FGD1: variants seen among roughly 807,000 people sequenced by gnomAD.
FGD1 encodes FYVE, RhoGEF and PH domain-containing protein 1.
Under a neutral mutation model 65.0 loss-of-function variants are expected in FGD1, and 12 were observed. The ratio of observed to expected loss-of-function variants is 0.18; its 90% CI spans 0.12 to 0.30. The LOEUF is 0.30. FGD1 is among the 10% of genes least tolerant of loss of function. The probability of loss-of-function intolerance (pLI) is 1.00; values close to 1 mark genes in which losing one functional copy is unlikely to be tolerated. For missense variants in FGD1, 542 were observed against 837.6 expected (o/e 0.65, Z 4.36); for synonymous variants, 333 against 343.9 (o/e 0.97, Z 0.35).
intron 1 of FGD1, among the ~76,000 whole-genome samples, chrX:54,481,041 G>A (rs1923131032): frequency 8.9e-6 from 1 of 111,807 alleles, no homozygotes; most frequent in Admixed American, 9.5e-5. Context: ...CAACTTGTGG[G>A]CCATCATGTT....
Position 54,481,649 on chromosome X carries a change from G to T in FGD1, c.308-10162C>A, listed in dbSNP as rs749543847. On this transcript the variant is annotated intron_variant, in intron 1 of 17. Coordinates refer to ENST00000375135, the MANE Select transcript of FGD1 (RefSeq NM_004463.3). ...GTTGGGAAAGAAATCACATTTGGAGGGGGGAGGAGAGAAGACTTCCTAAAG... is the reference window on the plus strand; with the variant it reads ...GTTGGGAAAGAAATCACATTTGGAGTGGGGAGGAGAGAAGACTTCCTAAAG... Among the ~76,000 whole-genome samples the T allele has an allele frequency of 1.2e-4, 13 of 105,756 alleles. No individual in the cohort carries two copies. The East Asian group carries it at 2.1e-3, about 17-fold the overall frequency. 91.8% of individuals were successfully genotyped at this position (105,756 alleles called of 115,157 possible).
At chrX:54,466,764 T>TC (rs1922768485) in intron 6 of FGD1, among the ~76,000 whole-genome samples, 1 of 109,581 alleles carries the variant, frequency 9.1e-6, no homozygotes, top group Non-Finnish European at 1.9e-5. Flanking sequence ...TGTTTTTTTT[T>TC]TTTTTGAGAG....
chrX:54,471,096 T>C (rs1922882190), intron 2 of FGD1, among the ~76,000 whole-genome samples: 1 of 110,713 alleles, frequency 9.0e-6, no homozygotes, highest in Non-Finnish European at 1.9e-5. Flanking sequence ...ATCTGCACCT[T>C]TGCCTGAGGT....
intron 16 of FGD1, among the ~76,000 whole-genome samples, chrX:54,447,929 G>A (rs1409305740): frequency 2.7e-5 from 3 of 111,617 alleles, no homozygotes; most frequent in African/African-American, 9.8e-5. Context: ...GCTGATGTGA[G>A]AATTAAATGA....
chrX:54,478,589 C>A (rs1347038374), intron 1 of FGD1, among the ~76,000 whole-genome samples: 1 of 110,579 alleles, frequency 9.0e-6, no homozygotes, highest in Non-Finnish European at 1.9e-5. Flanking sequence ...TGGCCCTGGG[C>A]AAGTCTCCCC....
chrX:54,482,224 G>A (rs1009453053), intron 1 of FGD1, among the ~76,000 whole-genome samples: 18 of 84,438 alleles, frequency 2.1e-4, no homozygotes, highest in Non-Finnish European at 3.2e-4. Context: ...GCACATGCGC[G>A]CGCACACGCG....
At chrX:54,490,715 C>T (rs1923395883) in intron 1 of FGD1, among the ~76,000 whole-genome samples, 1 of 111,236 alleles carries the variant, frequency 9.0e-6, no homozygotes, top group African/African-American at 3.3e-5. Flanking sequence ...AACCTCCTCC[C>T]TCTCTTGTAT....
At chrX:54,466,874 C>T (rs935714287) in intron 6 of FGD1, among the ~76,000 whole-genome samples, 1 of 109,222 alleles carries the variant, frequency 9.2e-6, no homozygotes, top group Non-Finnish European at 1.9e-5. Context: ...TTCAGCCTCC[C>T]GAGTAGCTGG....
intron 8 of FGD1, among the ~76,000 whole-genome samples, chrX:54,461,614 A>G (rs984946771): frequency 9.4e-6 from 1 of 106,140 alleles, no homozygotes; most frequent in Non-Finnish European, 1.9e-5. Flanking sequence ...AAAAAAAAAA[A>G]AAAAAAAAAA....
At chrX:54,469,910 A>G (rs1272510722) in intron 4 of FGD1, 106 bp downstream of exon 4, 6 of 717,982 alleles carry the variant, frequency 8.4e-6, no homozygotes, top group Non-Finnish European at 1.1e-5. Flanking sequence ...GAGCTTGGAA[A>G]CAAGGTCCTA....
At chrX:54,462,930 A>G (rs1922672954) in intron 8 of FGD1, among the ~76,000 whole-genome samples, 1 of 108,162 alleles carries the variant, frequency 9.2e-6, no homozygotes, top group African/African-American at 3.4e-5. Flanking sequence ...ATACCTGGCT[A>G]ATTTTTGTAT....
intron 11 of FGD1, 35 bp downstream of exon 11, chrX:54,455,657 T>TC (rs1922483788): frequency 5.2e-6 from 6 of 1,147,622 alleles, no homozygotes; most frequent in South Asian, 1.9e-5. Context: ...AATGCCCCAC[T>TC]CCAAGTTCCC....
At chrX:54,460,602 G>A (rs1022503193) in intron 8 of FGD1, among the ~76,000 whole-genome samples, 2 of 110,836 alleles carry the variant, frequency 1.8e-5, no homozygotes, top group Admixed American at 9.6e-5. Context: ...TTAGCTAGGC[G>A]TGGTGGTGGG....
At chrX:54,469,509 A>AT (rs373051588) in intron 4 of FGD1, among the ~76,000 whole-genome samples, 1 of 112,434 alleles carries the variant, frequency 8.9e-6, no homozygotes, top group African/African-American at 3.2e-5. Context: ...GCACAAAAGT[A>AT]TAAGAACGTA....
intron 8 of FGD1, among the ~76,000 whole-genome samples, chrX:54,460,697 C>T (rs929138116): frequency 5.4e-5 from 6 of 110,972 alleles, no homozygotes; most frequent in South Asian, 3.7e-4. Context: ...GCGGAGATCG[C>T]GCCACTGCAG....
chrX:54,455,810 ATG>A, intron 10 of FGD1, 26 bp from the exon 11 acceptor site: 1 of 1,108,403 alleles, frequency 9.0e-7, no homozygotes, highest in Non-Finnish European at 1.2e-6. Flanking sequence ...TTTGGGATGT[ATG>A]TGCAGAGGGC....
chrX:54,448,772 A>C, intron 16 of FGD1, 34 bp downstream of exon 16: 1 of 1,204,038 alleles, frequency 8.3e-7, no homozygotes. Flanking sequence ...CCATTTGCCC[A>C]CTGTGGGAGA....
At chrX:54,484,674 G>C (rs773411483) in intron 1 of FGD1, among the ~76,000 whole-genome samples, 90 of 112,547 alleles carry the variant, frequency 8.0e-4, no homozygotes, top group Non-Finnish European at 1.4e-3. Flanking sequence ...CAGGAGCTGT[G>C]TGTGTTTTCA....
At chrX:54,461,081 C>A (rs916349565) in intron 8 of FGD1, among the ~76,000 whole-genome samples, 3 of 111,630 alleles carry the variant, frequency 2.7e-5, no homozygotes, top group African/African-American at 6.5e-5. Flanking sequence ...CTTTCACTGG[C>A]GGCTCACTTT....
Sources: allele counts gnomAD v4.1 joint callset (sites outside exome capture counted in the v4.1 genomes callset), GRCh38; gene constraint gnomAD v4.1.1; transcripts MANE v1.5; gene names NCBI Gene and HGNC (gene_info 2026-07-23, HGNC 2026-07-21).